Variants in WDR93 observed in about 807,000 individuals in gnomAD.
WDR93 encodes the protein WD repeat-containing protein 93.
Under a neutral mutation model 82.9 loss-of-function variants are expected in WDR93, and 73 were observed. That is an observed-to-expected ratio of 0.88 (90% CI 0.73 to 1.07). The LOEUF (loss-of-function observed/expected upper bound fraction) is 1.07, where lower values mean the gene tolerates loss of function less well. WDR93 is among the 50% of genes least tolerant of loss of function. WDR93 has a pLI of 0.00. For synonymous variants in WDR93, 283 were observed against 300.1 expected (o/e 0.94, Z 0.59); for missense variants, 738 against 826.0 (o/e 0.89, Z 1.31).
intron 8 of WDR93, among the ~76,000 whole-genome samples, chr15:89,722,349 G>A (rs1272303291): frequency 1.3e-5 from 2 of 152,186 alleles, no homozygotes; most frequent in Non-Finnish European, 2.9e-5. Context: ...TTAACTAACA[G>A]AATTGGAAGG....
rs191572573 is a variant in WDR93, at chr15:89,729,100, G to C, written c.1123+7G>C. On this transcript the variant is annotated splice_region_variant and intron_variant, in intron 10 of 16. Coordinates refer to ENST00000268130, the MANE Select transcript of WDR93 (RefSeq NM_020212.2). ...GAAGTCAAGGGCCCCTCAGGTAAAT[G>C]AACATGAAGTGGGTGGTTGTCCTAG... The C allele has an allele frequency of 2.5e-6, 4 of 1,613,646 alleles. No homozygotes were observed. In the African/African-American group the frequency reaches 5.3e-5, roughly 22 times the overall value.
At position 89,729,041 on chromosome 15, in the gene WDR93, CCTT is replaced by C; in HGVS notation, c.1076_1078del (p.Leu359del). 6.2e-7 allele frequency: 1 copy of C among 1,614,188 alleles called. No homozygotes were observed. Among genetic ancestry groups the C allele is most frequent in the Non-Finnish European group, 8.5e-7 (1 of 1,180,020 alleles). ...TTCCCAGTACGGCCACCTTCTATTT[CCTT>C]CTTCCTAGCTGCCTATTTGCAATGC... On this transcript the variant is annotated inframe_deletion, in exon 10 of 17. Transcript: ENST00000268130.
At chr15:89,704,189 A>AT (rs1965619156) in intron 3 of WDR93, 1 of 143,748 alleles carries the variant, frequency 7.0e-6, no homozygotes, top group Non-Finnish European at 1.5e-5. Flanking sequence ...AAAAAAAAAA[A>AT]TTAGCCAGGC....
chr15:89,698,365 G>A (rs1173909046), intron 1 of WDR93, among the ~76,000 whole-genome samples: 3 of 152,096 alleles, frequency 2.0e-5, no homozygotes, highest in Non-Finnish European at 4.4e-5. Context: ...TGGGGTTTTT[G>A]TGCACAGCAT....
At chr15:89,728,669 G>A (rs1409451286) in intron 9 of WDR93, among the ~76,000 whole-genome samples, 1 of 152,204 alleles carries the variant, frequency 6.6e-6, no homozygotes, top group Non-Finnish European at 1.5e-5. Flanking sequence ...AACACTGGCT[G>A]TATTGCCCCT....
At chr15:89,721,572 A>G (rs1966528101) in intron 7 of WDR93, among the ~76,000 whole-genome samples, 2 of 152,182 alleles carry the variant, frequency 1.3e-5, no homozygotes, top group Non-Finnish European at 2.9e-5. Flanking sequence ...ACACGCACAC[A>G]CAAAGTTTCT....
At chr15:89,719,455 G>A (rs1043291256) in intron 7 of WDR93, among the ~76,000 whole-genome samples, 3 of 152,066 alleles carry the variant, frequency 2.0e-5, no homozygotes, top group Admixed American at 6.6e-5. Flanking sequence ...TGTGTCTTTC[G>A]AGTAATTTGT....
Position 89,690,814 on chromosome 15 carries a change from C to T in WDR93, c.-84C>T. The T allele has an allele frequency of 1.8e-6, 1 of 560,060 alleles. No homozygotes were observed. The highest frequency in any genetic ancestry group is 3.1e-5 in the East Asian group (1 of 32,000). 34.7% of individuals were successfully genotyped at this position (560,060 alleles called of 1,614,324 possible). A position where few individuals can be genotyped will look rare whatever the true frequency, so the allele number is the denominator to read the frequency against. On this transcript the variant is annotated 5_prime_UTR_variant, in exon 1 of 17. Transcript: ENST00000268130. ...CAACTTCGCGGACTTCCGGTTCAAG[C>T]CGGAAGTTGTGGTTACCAAGGCGAC...
chr15:89,742,212 C>A (rs1967733583), intron 16 of WDR93, among the ~76,000 whole-genome samples: 1 of 152,056 alleles, frequency 6.6e-6, no homozygotes, highest in Non-Finnish European at 1.5e-5. Context: ...CATAGTGAGA[C>A]CCCATCTCTA....
In WDR93 at chr15:89,694,281, C is replaced by T. The variant is rs148219202; in HGVS notation, c.-41+3424C>T. Among the ~76,000 whole-genome samples, 1,140 of 137,392 alleles carry T rather than the reference C, an allele frequency of 8.3e-3. 15 individuals are homozygous for T. Among genetic ancestry groups the T allele is most frequent in the African/African-American group, 0.03 (1,074 of 36,358 alleles). 90.1% of individuals were successfully genotyped at this position (137,392 alleles called of 152,430 possible). On this transcript the variant is annotated intron_variant, in intron 1 of 16. Transcript: ENST00000268130. ...TTTTTTTTTTTTTGAGATGGAGTCT[C>T]GCTCTGTCGCCCAGGCTGGAGTGCA...
chr15:89,736,155 T>C (rs1967150149), intron 14 of WDR93, among the ~76,000 whole-genome samples: 1 of 152,200 alleles, frequency 6.6e-6, no homozygotes, highest in African/African-American at 2.4e-5. Context: ...AGAGCAGGGA[T>C]GGAGAGTTGA....
At chr15:89,709,033 C>CT (rs1965846767) in intron 4 of WDR93, among the ~76,000 whole-genome samples, 1 of 152,200 alleles carries the variant, frequency 6.6e-6, no homozygotes, top group Non-Finnish European at 1.5e-5. Context: ...TGCAGCCGTC[C>CT]GGTGCAGGGA....
At position 89,737,662 on chromosome 15, in the gene WDR93, T is replaced by TC. The variant is rs773921322; in HGVS notation, c.1700dup (p.Leu568SerfsTer27). The TC allele has an allele frequency of 1.2e-6, 2 of 1,614,198 alleles. No homozygotes were observed. On this transcript the variant is annotated frameshift_variant, in exon 15 of 17. Transcript: ENST00000268130. LOFTEE classifies it high-confidence loss of function. ...GTGCCTTTGCCCCTCCGGGAGCCTT[T>TC]CCTCTGGAGGTCCCCTGGAAGCCAG... is the stretch of plus-strand genomic sequence containing the variant.
chr15:89,701,506 G>A (rs1215807763), intron 1 of WDR93, among the ~76,000 whole-genome samples: 1 of 152,150 alleles, frequency 6.6e-6, no homozygotes, highest in African/African-American at 2.4e-5. Context: ...GGTTGGCCTG[G>A]AAAATACCTG....
chr15:89,702,570 G>A (rs749788805), intron 2 of WDR93, among the ~76,000 whole-genome samples: 13 of 151,516 alleles, frequency 8.6e-5, no homozygotes, highest in East Asian at 3.9e-4. Flanking sequence ...ATAGAGTTTC[G>A]CTCTTGTTGC....
At chr15:89,698,224 A>G (rs192223421) in intron 1 of WDR93, among the ~76,000 whole-genome samples, 6 of 152,212 alleles carry the variant, frequency 3.9e-5, no homozygotes, top group East Asian at 1.9e-4. Flanking sequence ...ATCGCAGGTA[A>G]TATTCTTTGC....
chr15:89,700,197 A>C (rs1965386373), intron 1 of WDR93, among the ~76,000 whole-genome samples: 1 of 152,174 alleles, frequency 6.6e-6, no homozygotes, highest in East Asian at 1.9e-4. Context: ...ACTACTCTAC[A>C]TAATCCCTGT....
intron 1 of WDR93, among the ~76,000 whole-genome samples, chr15:89,696,828 G>A (rs1161775714): frequency 3.9e-5 from 6 of 151,922 alleles, no homozygotes; most frequent in Non-Finnish European, 8.8e-5. Flanking sequence ...TGGGTCATAT[G>A]GTAAATATAT....
At chr15:89,713,480 GTTT>G (rs71151526) in intron 5 of WDR93, among the ~76,000 whole-genome samples, 1 of 149,722 alleles carries the variant, frequency 6.7e-6, no homozygotes, top group Non-Finnish European at 1.5e-5. Context: ...ATTTTATTTT[GTTT>G]TTTTTTTGAG....
Sources: allele counts gnomAD v4.1 joint callset (sites outside exome capture counted in the v4.1 genomes callset), GRCh38; gene constraint gnomAD v4.1.1; transcripts MANE v1.5; gene names NCBI Gene and HGNC (gene_info 2026-07-23, HGNC 2026-07-21).